PXDNL: variants seen among roughly 807,000 people sequenced by gnomAD.
The protein encoded by PXDNL is probable oxidoreductase PXDNL.
A neutral mutation model predicts 150.8 loss-of-function variants in PXDNL; 145 were observed. That is an observed-to-expected ratio of 0.96 (90% CI 0.84 to 1.10). The LOEUF (loss-of-function observed/expected upper bound fraction) is 1.10. Among genes scored for constraint, PXDNL ranks in the 50% least tolerant of loss-of-function variants. The pLI, the probability that PXDNL is intolerant of heterozygous loss-of-function variation, is 0.00. For missense variants in PXDNL, 2,087 were observed against 1,873.9 expected, an observed-to-expected ratio of 1.11 and a Z score of -2.10; for synonymous variants, 757 against 725.7, an observed-to-expected ratio of 1.04 and a Z score of -0.69.
rs1808706728 is a variant in PXDNL at position 51,413,343 on chromosome 8, A to C, written c.1796-85T>G. 8.0e-6 allele frequency: 6 copies of C among 752,866 alleles called. No individual in the cohort carries two copies. In the Admixed American group the frequency reaches 1.4e-4, roughly 18 times the overall value. The allele number at this position is 752,866 out of a possible 1,614,324, so 46.6% of individuals were successfully genotyped here. A position where few individuals can be genotyped will look rare whatever the true frequency, so the allele number is the denominator to read the frequency against. On this transcript the variant is annotated intron_variant, in intron 14 of 22. Transcript: ENST00000356297. ...TTATATGAATGGCATTACATTTTTA[A>C]ATGTAATGCCATTACATTTAAAACC...
intron 19 of PXDNL, among the ~76,000 whole-genome samples, chr8:51,362,165 C>T (rs879339373): frequency 1.3e-5 from 2 of 152,024 alleles, no homozygotes; most frequent in African/African-American, 2.4e-5. Context: ...TATTATTCTG[C>T]CCCAAAGGCA....
intron 3 of PXDNL, among the ~76,000 whole-genome samples, chr8:51,557,812 T>A (rs1022597878): frequency 6.6e-6 from 1 of 152,168 alleles, no homozygotes; most frequent in African/African-American, 2.4e-5. Flanking sequence ...AAATCACAGT[T>A]CTGCCTAAAA....
At chr8:51,372,581 C>T (rs536054736) in intron 18 of PXDNL, among the ~76,000 whole-genome samples, 5 of 152,230 alleles carry the variant, frequency 3.3e-5, no homozygotes, top group South Asian at 4.1e-4. Flanking sequence ...GACGGGGATT[C>T]GCCATGTTGG....
intron 19 of PXDNL, among the ~76,000 whole-genome samples, chr8:51,357,756 T>C (rs1253642075): frequency 1.3e-5 from 2 of 152,220 alleles, no homozygotes; most frequent in Non-Finnish European, 2.9e-5. Flanking sequence ...ATGATTTTTA[T>C]TTTTTTCCTA....
chr8:51,368,745 C>T (rs1806997328), intron 19 of PXDNL, among the ~76,000 whole-genome samples: 2 of 152,146 alleles, frequency 1.3e-5, no homozygotes, highest in South Asian at 2.1e-4. Flanking sequence ...CCTGTAATCA[C>T]AGCAATTTGG....
At chr8:51,766,904 C>T (rs190823884) in intron 1 of PXDNL, among the ~76,000 whole-genome samples, 5 of 151,512 alleles carry the variant, frequency 3.3e-5, no homozygotes, top group Admixed American at 6.6e-5. Context: ...TTCTTTCCGT[C>T]CCCTTCTCTC....
At chr8:51,606,121 G>GA (rs1813834383) in intron 2 of PXDNL, among the ~76,000 whole-genome samples, 1 of 152,176 alleles carries the variant, frequency 6.6e-6, no homozygotes, top group Admixed American at 6.5e-5. Flanking sequence ...TGTGAATTGT[G>GA]ATAAGATTAA....
chr8:51,544,687 T>A (rs1350187140), intron 4 of PXDNL, among the ~76,000 whole-genome samples: 2 of 152,180 alleles, frequency 1.3e-5, no homozygotes, highest in African/African-American at 4.8e-5. Flanking sequence ...CACAACCTAC[T>A]TTTTAGGGTC....
At chr8:51,675,439 C>A (rs767693859) in intron 1 of PXDNL, among the ~76,000 whole-genome samples, 1 of 152,068 alleles carries the variant, frequency 6.6e-6, no homozygotes, top group Non-Finnish European at 1.5e-5. Context: ...ACAACCAAAC[C>A]TACCAGCCCT....
At chr8:51,795,695 G>A (rs543792133) in intron 1 of PXDNL, among the ~76,000 whole-genome samples, 32 of 152,260 alleles carry the variant, frequency 2.1e-4, no homozygotes, top group South Asian at 6.2e-4. Context: ...AGCTAGATGC[G>A]GGGGTCTGTC....
intron 2 of PXDNL, among the ~76,000 whole-genome samples, chr8:51,615,227 G>T (rs1179352931): frequency 6.6e-6 from 1 of 151,314 alleles, no homozygotes; most frequent in Admixed American, 6.6e-5. Flanking sequence ...TTTTTTAAAT[G>T]CATGAGAATT....
intron 19 of PXDNL, among the ~76,000 whole-genome samples, chr8:51,364,196 T>C (rs535670220): frequency 6.6e-6 from 1 of 152,350 alleles, no homozygotes; most frequent in African/African-American, 2.4e-5. Context: ...AAGCTTTACA[T>C]GGTGATCTGA....
chr8:51,374,364 T>C (rs943709490), intron 18 of PXDNL, among the ~76,000 whole-genome samples: 5 of 152,144 alleles, frequency 3.3e-5, no homozygotes, highest in African/African-American at 1.2e-4. Context: ...ATCGCCAACT[T>C]CTATTGCCTT....
At chr8:51,380,175 A>G (rs997891093) in intron 17 of PXDNL, among the ~76,000 whole-genome samples, 3 of 152,128 alleles carry the variant, frequency 2.0e-5, no homozygotes. Context: ...AAGAAAGTCT[A>G]TGAATTTGTA....
intron 4 of PXDNL, among the ~76,000 whole-genome samples, chr8:51,527,216 G>A (rs965628694): frequency 6.6e-6 from 1 of 152,124 alleles, no homozygotes; most frequent in African/African-American, 2.4e-5. Context: ...GACCCACAAT[G>A]AGCTGGGACC....
chr8:51,501,283 CACTA>C (rs1811170619), intron 4 of PXDNL, among the ~76,000 whole-genome samples: 1 of 151,940 alleles, frequency 6.6e-6, no homozygotes, highest in Non-Finnish European at 1.5e-5. Context: ...CACTCACACT[CACTA>C]ACAGACTCTC....
chr8:51,458,183 A>G (rs994254025), intron 8 of PXDNL, among the ~76,000 whole-genome samples: 3 of 152,176 alleles, frequency 2.0e-5, no homozygotes, highest in African/African-American at 7.2e-5. Flanking sequence ...CTAACCTACC[A>G]AGTTGTTGAA....
At chr8:51,610,809 T>C (rs1486986907) in intron 2 of PXDNL, among the ~76,000 whole-genome samples, 1 of 152,198 alleles carries the variant, frequency 6.6e-6, no homozygotes, top group African/African-American at 2.4e-5. Context: ...CATTTCTCCA[T>C]AGGCATCTCA....
At chr8:51,652,559 A>G (rs900186091) in intron 2 of PXDNL, among the ~76,000 whole-genome samples, 1 of 152,134 alleles carries the variant, frequency 6.6e-6, no homozygotes, top group African/African-American at 2.4e-5. Context: ...CCTGAATGCT[A>G]TCATGAGAAA....
Sources: allele counts gnomAD v4.1 joint callset (sites outside exome capture counted in the v4.1 genomes callset), GRCh38; gene constraint gnomAD v4.1.1; transcripts MANE v1.5; gene names NCBI Gene and HGNC (gene_info 2026-07-23, HGNC 2026-07-21).